Variants in ABCA1 observed in about 807,000 individuals in gnomAD.
ABCA1 encodes the protein phospholipid-transporting ATPase ABCA1.
Under a neutral mutation model 262.5 loss-of-function variants are expected in ABCA1, and 133 were observed. That is an observed-to-expected ratio of 0.51 (90% confidence interval 0.44 to 0.59). The LOEUF is 0.59. ABCA1 is among the 20% of genes least tolerant of loss of function. The pLI, the probability that ABCA1 is intolerant of heterozygous loss-of-function variation, is 0.00. For synonymous variants in ABCA1, 1,022 were observed against 1,043.5 expected, an observed-to-expected ratio of 0.98 and a Z score of 0.40; for missense variants, 2,452 against 2,777.5, an observed-to-expected ratio of 0.88 and a Z score of 2.63.
At chr9:104,847,544 A>T (rs2119059659) in intron 7 of ABCA1, among the ~76,000 whole-genome samples, 1 of 152,318 alleles carries the variant, frequency 6.6e-6, no homozygotes, top group South Asian at 2.1e-4. Flanking sequence ...CAGGGTTTTC[A>T]ACTTCTTAAA....
intron 49 of ABCA1, 117 bp downstream of exon 49, chr9:104,785,279 G>T (rs150695472): frequency 4.4e-6 from 6 of 1,358,072 alleles, no homozygotes; most frequent in Non-Finnish European, 6.2e-6. Context: ...AGGAATAGTA[G>T]ATCAGGAATT....
intron 1 of ABCA1, among the ~76,000 whole-genome samples, chr9:104,907,116 T>C (rs2118456240): frequency 6.6e-6 from 1 of 152,288 alleles, no homozygotes; most frequent in South Asian, 2.1e-4. Flanking sequence ...GCCTACTCTC[T>C]TGCCACTCCC....
rs767210136 is a variant in ABCA1 at position 104,800,010 on chromosome 9, A to G, written c.4774-22T>C. On this transcript the variant is annotated intron_variant, in intron 35 of 49. Transcript: ENST00000374736. The stretch of plus-strand genomic sequence containing the variant: ...ACACCTGAAAGAAAACATACCAGGT[A>G]CAAGGTAATGCCCCCAAACCGGGCT... 6.2e-6 allele frequency: 10 copies of G among 1,613,964 alleles called. No individual in the cohort carries two copies. In the East Asian group the frequency reaches 1.8e-4, roughly 29 times the overall value.
At chr9:104,884,311 G>A (rs1838960923) in intron 4 of ABCA1, 116 bp downstream of exon 4, 2 of 1,360,188 alleles carry the variant, frequency 1.5e-6, no homozygotes, top group East Asian at 2.4e-5. Flanking sequence ...TATCACACAA[G>A]CATTTACAAA....
chr9:104,912,494 A>G (rs1428309691), intron 1 of ABCA1, among the ~76,000 whole-genome samples: 1 of 152,192 alleles, frequency 6.6e-6, no homozygotes, highest in Non-Finnish European at 1.5e-5. Flanking sequence ...CCTATTTATC[A>G]CCCTCAACAT....
At chr9:104,793,728 A>G (rs888340061) in intron 40 of ABCA1, among the ~76,000 whole-genome samples, 1 of 152,192 alleles carries the variant, frequency 6.6e-6, no homozygotes, top group African/African-American at 2.4e-5. Context: ...TAGTGAATCA[A>G]TTAAACCACT....
chr9:104,809,651 T>C, intron 29 of ABCA1, 87 bp from the exon 30 acceptor site: 1 of 1,196,014 alleles, frequency 8.4e-7, no homozygotes, highest in South Asian at 1.3e-5. Flanking sequence ...TTAAACATTT[T>C]AGGAAGCATT....
chr9:104,810,736 C>A, intron 29 of ABCA1, 64 bp downstream of exon 29: 1 of 1,612,598 alleles, frequency 6.2e-7, no homozygotes, highest in Non-Finnish European at 8.5e-7. Context: ...TTCCCTTGGC[C>A]CTCGTAAACA....
chr9:104,823,975 ATC>A (rs1832599123), intron 18 of ABCA1, among the ~76,000 whole-genome samples: 1 of 152,222 alleles, frequency 6.6e-6, no homozygotes. Context: ...AGCTGTGGAC[ATC>A]TCTGTCTGCA....
chr9:104,856,428 G>A (rs1464438891), intron 7 of ABCA1, among the ~76,000 whole-genome samples: 1 of 152,062 alleles, frequency 6.6e-6, no homozygotes, highest in Non-Finnish European at 1.5e-5. Context: ...TCAATACCTG[G>A]TCATAAACCA....
At chr9:104,861,868 T>G (rs1588435249) in intron 5 of ABCA1, 68 bp from the exon 6 acceptor site, 6 of 1,391,732 alleles carry the variant, frequency 4.3e-6, no homozygotes, top group Non-Finnish European at 5.0e-6. Flanking sequence ...GTGGGCACAA[T>G]GGGACAGTGG....
At chr9:104,898,640 G>T (rs751988330) in intron 2 of ABCA1, among the ~76,000 whole-genome samples, 2 of 151,992 alleles carry the variant, frequency 1.3e-5, no homozygotes, top group Non-Finnish European at 2.9e-5. Flanking sequence ...GGCCCTAAAT[G>T]ATCTGGTCAT....
chr9:104,799,465 TAATA>T, intron 36 of ABCA1: 2 of 977,528 alleles, frequency 2.0e-6, no homozygotes, highest in Non-Finnish European at 2.4e-6. Context: ...AGATACAAGC[TAATA>T]AAAACATATT....
chr9:104,926,481 A>C (rs903030725), intron 1 of ABCA1, among the ~76,000 whole-genome samples: 8 of 149,616 alleles, frequency 5.3e-5, no homozygotes, highest in African/African-American at 1.7e-4. Context: ...AAAAAAAAAA[A>C]AACAAAACGG....
intron 17 of ABCA1, 160 bp downstream of exon 17, chr9:104,825,523 A>C: frequency 1.3e-6 from 1 of 741,966 alleles, no homozygotes; most frequent in Non-Finnish European, 2.4e-6. Flanking sequence ...TGACAATTGT[A>C]CTTTCAGCAT....
chr9:104,803,374 T>C (rs1830503701), intron 32 of ABCA1, 58 bp from the exon 33 acceptor site: 29 of 1,536,174 alleles, frequency 1.9e-5, no homozygotes, highest in South Asian at 3.4e-5. Flanking sequence ...CTATTCCTAA[T>C]GATGCAAAAG....
At chr9:104,869,301 A>G (rs925307741) in intron 5 of ABCA1, among the ~76,000 whole-genome samples, 4 of 142,780 alleles carry the variant, frequency 2.8e-5, no homozygotes, top group Non-Finnish European at 4.6e-5. Context: ...GTCTTCTTCA[A>G]TGGACCCCTG....
chr9:104,889,275 C>A, intron 2 of ABCA1, 80 bp from the exon 3 acceptor site: 2 of 1,545,224 alleles, frequency 1.3e-6, no homozygotes, highest in Non-Finnish European at 1.8e-6. Flanking sequence ...GGGAAATCCA[C>A]AGACAACTTC....
intron 21 of ABCA1, 36 bp downstream of exon 21, chr9:104,819,890 AG>A: frequency 6.2e-7 from 1 of 1,609,748 alleles, no homozygotes; most frequent in Non-Finnish European, 8.5e-7. Context: ...CCGGAGGAGG[AG>A]GGGAGAGGGA....
Sources: gnomAD v4.1 joint callset for allele counts (sites outside exome capture counted in the v4.1 genomes callset) on GRCh38, gnomAD v4.1.1 for gene constraint, MANE v1.5 for transcripts, NCBI Gene and HGNC (gene_info 2026-07-23, HGNC 2026-07-21) for gene names.